WBP2NL: variants seen among roughly 807,000 people sequenced by gnomAD.
The protein encoded by WBP2NL is WBP2 N-terminal like.
In WBP2NL, 27 loss-of-function variants were observed where a neutral mutation model predicts 23.3. The observed-to-expected ratio is 1.16, with a 90% CI of 0.85 to 1.60. WBP2NL has a LOEUF of 1.60. Among genes scored for constraint, WBP2NL ranks in the 40% most tolerant of loss-of-function variants. WBP2NL has a pLI of 0.00. For missense variants in WBP2NL, 370 were observed against 389.5 expected (o/e 0.95, Z 0.42); for synonymous variants, 151 against 145.9 (o/e 1.03, Z -0.25).
intron 2 of WBP2NL, 86 bp downstream of exon 2, chr22:42,019,505 A>G: frequency 6.4e-7 from 1 of 1,553,890 alleles, no homozygotes; most frequent in Non-Finnish European, 8.8e-7. Flanking sequence ...TGACTTTTGA[A>G]GTGTTTTTAA....
chr22:42,015,923 T>C (rs1427727415), intron 1 of WBP2NL, among the ~76,000 whole-genome samples: 2 of 152,076 alleles, frequency 1.3e-5, no homozygotes, highest in Admixed American at 6.6e-5. Flanking sequence ...AATTTGTCTG[T>C]TTTTTTGCCC....
intron 1 of WBP2NL, among the ~76,000 whole-genome samples, chr22:42,003,818 C>T (rs1210725446): frequency 6.6e-6 from 1 of 152,146 alleles, no homozygotes; most frequent in East Asian, 1.9e-4. Flanking sequence ...TGAAAAAGGG[C>T]TCCTATCAGA....
intron 1 of WBP2NL, among the ~76,000 whole-genome samples, chr22:42,009,655 A>G (rs133322): frequency 0.38 from 57,394 of 152,114 alleles, 13,440 homozygotes; most frequent in East Asian, 0.85. Flanking sequence ...ATTTGTTTCT[A>G]TTCTAGTCCA....
At chr22:42,026,669 G>C in intron 5 of WBP2NL, 97 bp from the exon 6 acceptor site, 4 of 1,521,722 alleles carry the variant, frequency 2.6e-6, no homozygotes, top group South Asian at 1.3e-5. Flanking sequence ...CTCTTCTTGC[G>C]TCAGTTTGCT....
At chr22:42,049,485 T>C (rs1925733429) in intron 8 of WBP2NL, among the ~76,000 whole-genome samples, 2 of 151,912 alleles carry the variant, frequency 1.3e-5, no homozygotes. Context: ...GGTCAGGAGA[T>C]TGAGACCATC....
rs1041259657 is a variant in WBP2NL, at chr22:42,038,694, C to A, written c.*273+7871C>A. 3.3e-5 allele frequency among the ~76,000 whole-genome samples: 5 copies of A among 152,080 alleles called. 1 individual carries two copies. Among genetic ancestry groups the A allele is most frequent in the Non-Finnish European group, 7.4e-5 (5 of 68,020 alleles). On this transcript the variant is annotated intron_variant and NMD_transcript_variant, in intron 8 of 8. Transcript: ENST00000436265. ...CTTGGCTCACTGCAAGCTCCGTCTC[C>A]CGGGTTCACGCCATTCTCCTGCCTC...
At chr22:42,001,728 T>C in intron 1 of WBP2NL, 1 of 1,212,880 alleles carries the variant, frequency 8.2e-7, no homozygotes, top group South Asian at 1.2e-5. Context: ...GTGGGGGAAG[T>C]ATCTGATGAC....
chr22:42,014,002 G>A (rs1264196293), intron 1 of WBP2NL, among the ~76,000 whole-genome samples: 2 of 152,022 alleles, frequency 1.3e-5, no homozygotes, highest in African/African-American at 2.4e-5. Flanking sequence ...GGCTGGGCTC[G>A]AATTCCTGAC....
chr22:42,018,178 T>TG (rs1403581943), intron 1 of WBP2NL, among the ~76,000 whole-genome samples: 5 of 144,352 alleles, frequency 3.5e-5, no homozygotes, highest in Non-Finnish European at 7.5e-5. Context: ...TAGCCAGGCG[T>TG]GGTGGTGCTT....
chr22:42,037,830 GGA>G (rs553235186), downstream of WBP2NL, among the ~76,000 whole-genome samples: 5 of 133,882 alleles, frequency 3.7e-5, no homozygotes, highest in Non-Finnish European at 7.8e-5. Flanking sequence ...GGAGGTGCGG[GGA>G]GAGAGAGAGA....
downstream of WBP2NL, among the ~76,000 whole-genome samples, chr22:42,034,603 C>T (rs1925110842): frequency 1.3e-5 from 2 of 152,166 alleles, no homozygotes; most frequent in Admixed American, 6.5e-5. Context: ...CCCGGTCTGA[C>T]CAAAGTTTAT....
At position 42,027,341 on chromosome 22, in the gene WBP2NL, C is replaced by T; in HGVS notation, c.*160C>T. On this transcript the variant is annotated 3_prime_UTR_variant, in exon 6 of 6. Coordinates refer to ENST00000328823, the MANE Select transcript of WBP2NL (RefSeq NM_152613.3). Reference sequence around the variant, plus strand: ...TCTTATGGGGGAAGGTGAAACTTTACTTCTGTGCCTAGATTTTAGAAGCAG... The same window carrying T: ...TCTTATGGGGGAAGGTGAAACTTTATTTCTGTGCCTAGATTTTAGAAGCAG... 1.1e-6 allele frequency: 1 copy of T among 883,998 alleles called. No individual in the cohort carries two copies. Among genetic ancestry groups the T allele is most frequent in the South Asian group, 2.5e-5 (1 of 40,648 alleles). 54.8% of individuals were successfully genotyped at this position (883,998 alleles called of 1,614,324 possible). A position where few individuals can be genotyped will look rare whatever the true frequency, so the allele number is the denominator to read the frequency against.
chr22:42,019,447 T>C (rs1339793302), intron 2 of WBP2NL, 28 bp downstream of exon 2: 2 of 1,581,284 alleles, frequency 1.3e-6, no homozygotes, highest in Non-Finnish European at 1.7e-6. Context: ...TTTAATCTGC[T>C]GATTAACTCT....
At chr22:42,001,729 A>T in intron 1 of WBP2NL, 1 of 1,211,880 alleles carries the variant, frequency 8.3e-7, no homozygotes, top group Non-Finnish European at 1.2e-6. Context: ...TGGGGGAAGT[A>T]TCTGATGACA....
intron 4 of WBP2NL, among the ~76,000 whole-genome samples, chr22:42,021,653 T>G (rs1190517811): frequency 6.6e-6 from 1 of 152,170 alleles, no homozygotes; most frequent in Non-Finnish European, 1.5e-5. Flanking sequence ...GAATCCTCAC[T>G]TAGAAGTTTT....
chr22:42,005,379 T>C (rs1202939234), intron 1 of WBP2NL, among the ~76,000 whole-genome samples: 1 of 151,942 alleles, frequency 6.6e-6, no homozygotes, highest in Non-Finnish European at 1.5e-5. Context: ...TTGGGGGTGG[T>C]GGTGGGTTCC....
chr22:42,050,372 A>G (rs1925793568), intron 8 of WBP2NL, among the ~76,000 whole-genome samples: 1 of 152,100 alleles, frequency 6.6e-6, no homozygotes, highest in Non-Finnish European at 1.5e-5. Flanking sequence ...TGGGCCAGGC[A>G]TGGTGGCTTA....
intron 8 of WBP2NL, among the ~76,000 whole-genome samples, chr22:42,051,085 C>A (rs942689930): frequency 1.3e-5 from 2 of 152,192 alleles, no homozygotes; most frequent in South Asian, 4.1e-4. Context: ...CTGGAAGCAA[C>A]AAAGATGTCC....
intron 8 of WBP2NL, among the ~76,000 whole-genome samples, chr22:42,041,342 C>T (rs1006060677): frequency 6.6e-5 from 10 of 151,908 alleles, no homozygotes; most frequent in Non-Finnish European, 1.3e-4. Context: ...ATTAGCTGGG[C>T]GTGGTGGCAC....
Sources: allele counts gnomAD v4.1 joint callset (sites outside exome capture counted in the v4.1 genomes callset), GRCh38; gene constraint gnomAD v4.1.1; transcripts MANE v1.5; gene names NCBI Gene and HGNC (gene_info 2026-07-23, HGNC 2026-07-21).